The following VPS13A variants were observed in gnomAD, a reference collection of about 807,000 sequenced individuals.
VPS13A encodes the protein intermembrane lipid transfer protein VPS13A.
In VPS13A, 264 loss-of-function variants were observed where a neutral mutation model predicts 390.9. That is an observed-to-expected ratio of 0.68 (90% CI 0.61 to 0.75). The LOEUF is 0.75. VPS13A is among the 30% of genes least tolerant of loss of function. The pLI, the probability that VPS13A is intolerant of heterozygous loss-of-function variation, is 0.00. For synonymous variants in VPS13A, 1,231 were observed against 1,227.1 expected (o/e 1.00, Z -0.07); for missense variants, 3,409 against 3,733.9 (o/e 0.91, Z 2.27).
intron 1 of VPS13A, among the ~76,000 whole-genome samples, chr9:77,182,186 C>T (rs1367215602): frequency 1.3e-5 from 2 of 152,156 alleles, no homozygotes; most frequent in Non-Finnish European, 2.9e-5. Flanking sequence ...CTCTGTCTCA[C>T]GGCCTCAAGT....
chr9:77,325,916 G>A (rs919831070), intron 45 of VPS13A, among the ~76,000 whole-genome samples: 1 of 152,048 alleles, frequency 6.6e-6, no homozygotes, highest in African/African-American at 2.4e-5. Context: ...AACTGTATTT[G>A]ATATTTATTA....
Position 77,384,942 on chromosome 9 carries a change from G to A in VPS13A, c.9189+2855G>A, listed in dbSNP as rs182009823. The A allele has an allele frequency of 4.8e-4, 587 of 1,214,522 alleles. 4 individuals are homozygous for A. The highest frequency in any genetic ancestry group is 5.4e-5 in the Non-Finnish European group (52 of 969,688). The allele number at this position is 1,214,522 out of a possible 1,614,324, so 75.2% of individuals were successfully genotyped here. A position where few individuals can be genotyped will look rare whatever the true frequency, so the allele number is the denominator to read the frequency against. On this transcript the variant is annotated intron_variant, in intron 68 of 71. Coordinates refer to ENST00000360280, the MANE Select transcript of VPS13A (RefSeq NM_033305.3). The stretch of plus-strand genomic sequence containing the variant: ...TTTATAGCTTTGTATTGCATAGTTT[G>A]TCTTTAAGAGTTCAAGTTAGACTTA...
At chr9:77,316,625 G>T (rs1403432087) in intron 39 of VPS13A, among the ~76,000 whole-genome samples, 1 of 151,972 alleles carries the variant, frequency 6.6e-6, no homozygotes, top group Non-Finnish European at 1.5e-5. Flanking sequence ...TGGGAATATT[G>T]TCACTAAGAA....
In VPS13A at chr9:77,353,609, G is replaced by A. The variant is rs201318852; in HGVS notation, c.7620G>A (p.Thr2540=). Residue 2540 remains threonine (T), a synonymous_variant, in exon 54 of 72, where the codon ACG becomes ACA. Coordinates refer to ENST00000360280, the MANE Select transcript of VPS13A (RefSeq NM_033305.3). ...DVGISLVNNY[T]KQEVAYIGIT... The stretch of plus-strand genomic sequence containing the variant: ...GAATTTCTCTTGTCAACAATTACAC[G>A]AAGCAAGAAGTAGCCTATATAGGCA... The A allele has an allele frequency of 7.4e-6, 12 of 1,613,382 alleles. No individual in the cohort carries two copies. The South Asian group carries it at 1.2e-4, about 16-fold the overall frequency.
intron 1 of VPS13A, among the ~76,000 whole-genome samples, chr9:77,187,619 A>G (rs1002888129): frequency 1.3e-5 from 2 of 151,996 alleles, no homozygotes; most frequent in African/African-American, 4.8e-5. Context: ...ACACACACAC[A>G]CACACACACA....
At chr9:77,200,734 C>T (rs924179093) in intron 2 of VPS13A, among the ~76,000 whole-genome samples, 1 of 151,984 alleles carries the variant, frequency 6.6e-6, no homozygotes, top group African/African-American at 2.4e-5. Context: ...TTTTTAATTG[C>T]TTGTGCTTTT....
intron 34 of VPS13A, among the ~76,000 whole-genome samples, chr9:77,303,779 A>G (rs527916598): frequency 2.0e-5 from 3 of 152,276 alleles, no homozygotes; most frequent in Admixed American, 6.5e-5. Context: ...TCTCCACCCA[A>G]ACATCTCAGT....
Position 77,314,640 on chromosome 9 carries a change from C to T in VPS13A, c.4388C>T (p.Pro1463Leu). The change falls in exon 37 of 72, where the codon CCT becomes CTT. Residue 1463 changes from proline to leucine, a missense_variant. Pro to Leu is a moderately conservative substitution (Grantham distance 98). Around this residue, in one of 5 missense-constraint regions of VPS13A, gnomAD observed 2,717 missense variants for 2,917.4 expected, o/e 0.93. Coordinates refer to ENST00000360280, the MANE Select transcript of VPS13A (RefSeq NM_033305.3). ...LKNCILDDKRPHVKKATPRMI... is the reference protein window; with the variant it reads ...LKNCILDDKRLHVKKATPRMI... ...AACTGTATTTTAGATGATAAAAGACCTCATGTCAAGAAAGCAACTCCTCGG... is the reference window on the plus strand; with the variant it reads ...AACTGTATTTTAGATGATAAAAGACTTCATGTCAAGAAAGCAACTCCTCGG... The T allele has an allele frequency of 6.2e-7, 1 of 1,612,370 alleles. No individual in the cohort carries two copies. The highest frequency in any genetic ancestry group is 8.5e-7 in the Non-Finnish European group (1 of 1,179,000).
intron 35 of VPS13A, 23 bp downstream of exon 35, chr9:77,308,121 C>CT (rs1828874807): frequency 6.2e-7 from 1 of 1,612,362 alleles, no homozygotes; most frequent in East Asian, 2.2e-5. Context: ...CTTCAAATTT[C>CT]TTTCTGCTTT....
intron 68 of VPS13A, among the ~76,000 whole-genome samples, chr9:77,387,360 T>TG (rs1171876005): frequency 6.6e-6 from 1 of 152,238 alleles, no homozygotes; most frequent in Non-Finnish European, 1.5e-5. Context: ...GAAAGCTGTT[T>TG]GAAAATTATG....
At chr9:77,276,807 A>G (rs1485044181) in intron 26 of VPS13A, among the ~76,000 whole-genome samples, 1 of 152,194 alleles carries the variant, frequency 6.6e-6, no homozygotes, top group Non-Finnish European at 1.5e-5. Flanking sequence ...GATCCTCCTC[A>G]TGTTGCCATA....
rs1829533645 is a variant in VPS13A at position 77,318,457 on chromosome 9, G to A, written c.5179G>A (p.Asp1727Asn). 1.2e-6 allele frequency: 2 copies of A among 1,613,746 alleles called. No individual in the cohort carries two copies. The highest frequency in any genetic ancestry group is 1.7e-6 in the Non-Finnish European group (2 of 1,179,766). The change falls in exon 41 of 72, where the codon GAT becomes AAT. Residue 1727 changes from aspartate (D) to asparagine (N), a missense_variant. Asp to Asn is a conservative substitution (Grantham distance 23). Around this residue, in one of 5 missense-constraint regions of VPS13A, gnomAD observed 2,717 missense variants for 2,917.4 expected, o/e 0.93. Transcript: ENST00000360280. ...PKGEMIKMNIDSIFIVLEAGI... is the reference protein window; with the variant it reads ...PKGEMIKMNINSIFIVLEAGI... ...AGGCGAGATGATAAAAATGAACATT[G>A]ATTCTATTTTTATAGTTCTTGAGGC...
Position 77,418,748 on chromosome 9 carries a change from G to T in VPS13A, c.*2742G>T, listed in dbSNP as rs1275761472. On this transcript the variant is annotated 3_prime_UTR_variant, in exon 72 of 72. Transcript: ENST00000360280. ...AAATCTTTCTTACACTTACTTACGT[G>T]ATATTTTCTATCATAATTATCTCTC... 1 of 152,060 alleles carries T rather than the reference G, an allele frequency of 6.6e-6. No individual in the cohort carries two copies. Among genetic ancestry groups the T allele is most frequent in the Non-Finnish European group, 1.5e-5 (1 of 68,026 alleles). 9.4% of individuals were successfully genotyped at this position (152,060 alleles called of 1,614,324 possible).
In VPS13A at chr9:77,280,158, G is replaced by A; in HGVS notation, c.2825-1G>A. 6.2e-7 allele frequency: 1 copy of A among 1,603,026 alleles called. No homozygotes were observed. The highest frequency in any genetic ancestry group is 1.3e-5 in the African/African-American group (1 of 74,696). On this transcript the variant is annotated splice_acceptor_variant, in intron 26 of 71. Coordinates refer to ENST00000360280, the MANE Select transcript of VPS13A (RefSeq NM_033305.3). LOFTEE classifies it high-confidence loss of function. ...GATAATTTTTAAAAAATTATTTTTA[G>A]ATGAAAACAAGAAACCAGTTTATTT...
At chr9:77,181,297 T>C (rs1400630132) in intron 1 of VPS13A, among the ~76,000 whole-genome samples, 1 of 151,306 alleles carries the variant, frequency 6.6e-6, no homozygotes, top group African/African-American at 2.4e-5. Flanking sequence ...CTGGGGAGGG[T>C]GGATCACTTC....
intron 48 of VPS13A, 123 bp from the exon 49 acceptor site, chr9:77,340,055 T>C: frequency 7.5e-7 from 1 of 1,332,914 alleles, no homozygotes; most frequent in Non-Finnish European, 1.0e-6. Context: ...GAATTTAATA[T>C]TATAAAGGTT....
At chr9:77,351,052 A>G in intron 52 of VPS13A, 1 of 358,400 alleles carries the variant, frequency 2.8e-6, no homozygotes, top group Non-Finnish European at 5.3e-6. Context: ...ATTAATTTGT[A>G]TTAAAAAATT....
intron 46 of VPS13A, 49 bp downstream of exon 46, chr9:77,332,162 T>C: frequency 6.9e-7 from 1 of 1,455,270 alleles, no homozygotes; most frequent in African/African-American, 1.4e-5. Flanking sequence ...TTGTAGAATT[T>C]TTAGTTTCTG....
chr9:77,279,178 C>T (rs1826868223), intron 26 of VPS13A, among the ~76,000 whole-genome samples: 1 of 152,158 alleles, frequency 6.6e-6, no homozygotes, highest in Non-Finnish European at 1.5e-5. Context: ...AATTGGATGA[C>T]ATGTGGGCTG....
Sources: allele counts gnomAD v4.1 joint callset (sites outside exome capture counted in the v4.1 genomes callset), GRCh38; gene constraint gnomAD v4.1.1; regional missense constraint gnomAD v4.1.1; transcripts MANE v1.5; gene names NCBI Gene and HGNC (gene_info 2026-07-23, HGNC 2026-07-21).